The following TENT5A variants were observed in gnomAD, a reference collection of about 807,000 sequenced individuals.
TENT5A encodes the protein terminal nucleotidyltransferase 5A, also known as HBV X-transactivated gene 11 protein.
Under a neutral mutation model 30.2 loss-of-function variants are expected in TENT5A, and 9 were observed. The observed-to-expected ratio is 0.30, with a 90% CI of 0.18 to 0.52. TENT5A has a LOEUF of 0.52. Among genes scored for constraint, TENT5A ranks in the 20% least tolerant of loss-of-function variants. The probability of loss-of-function intolerance (pLI) is 0.97; values close to 1 mark genes in which losing one functional copy is unlikely to be tolerated. For synonymous variants in TENT5A, 264 were observed against 234.2 expected, an observed-to-expected ratio of 1.13 and a Z score of -1.16; for missense variants, 411 against 566.1, an observed-to-expected ratio of 0.73 and a Z score of 2.78.
Position 81,751,740 on chromosome 6 carries a change from G to C in TENT5A, c.402C>G (p.Gly134=). 1 of 1,613,792 alleles carries C rather than the reference G, an allele frequency of 6.2e-7. No homozygotes were observed. The highest frequency in any genetic ancestry group is 8.5e-7 in the Non-Finnish European group (1 of 1,180,040). The change falls in exon 2 of 3, where the codon GGC becomes GGG. Residue 134 remains glycine, a synonymous_variant. Transcript: ENST00000320172. ...AASHVLHQDS[G]LGYKDLDLIF... ...TGAGGTCCAGGTCCTTGTAGCCCAG[G>C]CCGCTGTCCTGGTGCAGGACATGGC...
chr6:81,747,504 A>G lies in TENT5A; in HGVS notation c.*2191T>C, dbSNP rs1283254567. ...CCATCAGGTTCCCATTAAGGCTTCA[A>G]AGAAAGATGCACAAAAGGTAGTCCA... On this transcript the variant is annotated 3_prime_UTR_variant, in exon 3 of 3. Transcript: ENST00000320172. The G allele has an allele frequency of 2.0e-6, 2 of 985,722 alleles. No homozygotes were observed. Among genetic ancestry groups the G allele is most frequent in the African/African-American group, 1.7e-5 (1 of 57,226 alleles). 61.1% of individuals were successfully genotyped at this position (985,722 alleles called of 1,614,324 possible). A position where few individuals can be genotyped will look rare whatever the true frequency, so the allele number is the denominator to read the frequency against.
Position 81,747,393 on chromosome 6 carries a change from T to G in TENT5A, c.*2302A>C. On this transcript the variant is annotated 3_prime_UTR_variant, in exon 3 of 3. Transcript: ENST00000320172. ...GAGGGAGACTGAGCCAAGATGGTAGTAGGAGGAGTTCCTTAGAAAACTGAG... is the reference window on the plus strand; with the variant it reads ...GAGGGAGACTGAGCCAAGATGGTAGGAGGAGGAGTTCCTTAGAAAACTGAG... The G allele has an allele frequency of 1.0e-6, 1 of 985,862 alleles. No homozygotes were observed. The highest frequency in any genetic ancestry group is 1.2e-6 in the Non-Finnish European group (1 of 829,940). 61.1% of individuals were successfully genotyped at this position (985,862 alleles called of 1,614,324 possible).
rs1187864075 is a variant in TENT5A, at chr6:81,747,919, AG to A, written c.*1775del. On this transcript the variant is annotated 3_prime_UTR_variant, in exon 3 of 3. Transcript: ENST00000320172. ...GGTATAACTGGTATTTTTGTAAGAA[AG>A]AAAATAAAGTTGGATTTGATTTAAT... 1 of 985,468 alleles carries A rather than the reference AG, an allele frequency of 1.0e-6. No individual in the cohort carries two copies. Among genetic ancestry groups the A allele is most frequent in the South Asian group, 4.7e-5 (1 of 21,274 alleles). 61.0% of individuals were successfully genotyped at this position (985,468 alleles called of 1,614,324 possible).
Position 81,748,386 on chromosome 6 carries a change from G to GAA in TENT5A, c.*1307_*1308dup, listed in dbSNP as rs1171685213. 158 of 701,240 alleles carry GAA rather than the reference G, an allele frequency of 2.3e-4. No individual in the cohort carries two copies. The highest frequency in any genetic ancestry group is 3.6e-4 in the East Asian group (2 of 5,584). The allele number at this position is 701,240 out of a possible 1,614,324, so 43.4% of individuals were successfully genotyped here. On this transcript the variant is annotated 3_prime_UTR_variant, in exon 3 of 3. Transcript: ENST00000320172. ...TTGTGGAATTTTATGGCTCACCAAA[G>GAA]AAAAAAAAAAAAAGAAAAAAAAATC...
Position 81,749,557 on chromosome 6 carries a change from T to G in TENT5A, c.*138A>C, listed in dbSNP as rs1040650566. On this transcript the variant is annotated 3_prime_UTR_variant, in exon 3 of 3. Coordinates refer to ENST00000320172, the MANE Select transcript of TENT5A (RefSeq NM_017633.3). ...AAAAGATACATAAGCTTTGCCAAAC[T>G]TAAAACCAGGAGCATATCATCATTG... The G allele has an allele frequency of 7.1e-7, 1 of 1,412,296 alleles. No homozygotes were observed. The highest frequency in any genetic ancestry group is 2.5e-5 in the East Asian group (1 of 39,520). The allele number at this position is 1,412,296 out of a possible 1,614,324, so 87.5% of individuals were successfully genotyped here. A position where few individuals can be genotyped will look rare whatever the true frequency, so the allele number is the denominator to read the frequency against.
rs972988760 is a variant in TENT5A at position 81,749,615 on chromosome 6, CTCTTTTTTTTT to C, written c.*69_*79del. Reference sequence around the variant, plus strand: ...CACATCCCTAATAAGGGCTGGATCACTCTTTTTTTTTTCTTTTTTTTTTTTTTCTCTCCTGT... The same window carrying C: ...CACATCCCTAATAAGGGCTGGATCACTCTTTTTTTTTTTTTTCTCTCCTGT... On this transcript the variant is annotated 3_prime_UTR_variant, in exon 3 of 3. Transcript: ENST00000320172. 5.2e-5 allele frequency: 79 copies of C among 1,510,978 alleles called. No individual in the cohort carries two copies. The highest frequency in any genetic ancestry group is 8.5e-5 in the African/African-American group (6 of 70,896). 93.6% of individuals were successfully genotyped at this position (1,510,978 alleles called of 1,614,324 possible). A position where few individuals can be genotyped will look rare whatever the true frequency, so the allele number is the denominator to read the frequency against.
Position 81,751,866 on chromosome 6 carries a change from C to A in TENT5A, c.276G>T (p.Thr92=). The A allele has an allele frequency of 1.2e-6, 2 of 1,613,120 alleles. No individual in the cohort carries two copies. The highest frequency in any genetic ancestry group is 1.1e-5 in the South Asian group (1 of 91,086). The change falls in exon 2 of 3, where the codon ACG becomes ACT. Residue 92 remains threonine, a synonymous_variant. Transcript: ENST00000320172. The part of the protein sequence containing the change: ...IPIHGRGNFP[T]LELQPSLIVK... Reference sequence around the variant, plus strand: ...CGATCAGGCTCGGCTGCAGCTCGAGCGTGGGGAAGTTGCCGCGCCCGTGAA... The same window carrying A: ...CGATCAGGCTCGGCTGCAGCTCGAGAGTGGGGAAGTTGCCGCGCCCGTGAA...
chr6:81,745,758 A>AC lies in TENT5A; in HGVS notation c.*3936dup, dbSNP rs1768870298. ...ATAGAAAAAAATAACTTTTTTATTT[A>AC]CAAAAAAATCCAAATATTGGATGCT... On this transcript the variant is annotated 3_prime_UTR_variant, in exon 3 of 3. Transcript: ENST00000320172. 19 of 985,250 alleles carry AC rather than the reference A, an allele frequency of 1.9e-5. No individual in the cohort carries two copies. Among genetic ancestry groups the AC allele is most frequent in the Non-Finnish European group, 2.3e-5 (19 of 829,310 alleles). The allele number at this position is 985,250 out of a possible 1,614,324, so 61.0% of individuals were successfully genotyped here. A position where few individuals can be genotyped will look rare whatever the true frequency, so the allele number is the denominator to read the frequency against.
intron 1 of TENT5A, 120 bp downstream of exon 1, chr6:81,752,311 A>G: frequency 6.5e-7 from 1 of 1,533,094 alleles, no homozygotes; most frequent in East Asian, 2.5e-5. Flanking sequence ...GCCTCCTCGG[A>G]GACTCCCTCC....
Position 81,747,988 on chromosome 6 carries a change from G to A in TENT5A, c.*1707C>T, listed in dbSNP as rs1768919691. The A allele has an allele frequency of 1.0e-6, 1 of 983,160 alleles. No homozygotes were observed. 60.9% of individuals were successfully genotyped at this position (983,160 alleles called of 1,614,324 possible). A position where few individuals can be genotyped will look rare whatever the true frequency, so the allele number is the denominator to read the frequency against. On this transcript the variant is annotated 3_prime_UTR_variant, in exon 3 of 3. Coordinates refer to ENST00000320172, the MANE Select transcript of TENT5A (RefSeq NM_017633.3). ...ACAGTACTAAATATTTAAATGCAGT[G>A]TGACAACCAGATCAAAGATGTTTCA...
In TENT5A at chr6:81,749,448, T is replaced by C; in HGVS notation, c.*247A>G. 8.1e-7 allele frequency: 1 copy of C among 1,232,972 alleles called. No individual in the cohort carries two copies. Among genetic ancestry groups the C allele is most frequent in the Non-Finnish European group, 1.0e-6 (1 of 986,884 alleles). 76.4% of individuals were successfully genotyped at this position (1,232,972 alleles called of 1,614,324 possible). ...GGTTGCTTCTAATGACAGGTCTCTCTTTTTTTGCAGGATAGAATCCAATTG... is the reference window on the plus strand; with the variant it reads ...GGTTGCTTCTAATGACAGGTCTCTCCTTTTTTGCAGGATAGAATCCAATTG... On this transcript the variant is annotated 3_prime_UTR_variant, in exon 3 of 3. Transcript: ENST00000320172.
At position 81,749,537 on chromosome 6, in the gene TENT5A, A is replaced by G. The variant is rs868292886; in HGVS notation, c.*158T>C. 1.4e-6 allele frequency: 2 copies of G among 1,397,552 alleles called. No homozygotes were observed. Among genetic ancestry groups the G allele is most frequent in the Middle Eastern group, 5.1e-4 (2 of 3,940 alleles). 86.6% of individuals were successfully genotyped at this position (1,397,552 alleles called of 1,614,324 possible). ...ATCATGCTCCCACATCTATTAAAAGATACATAAGCTTTGCCAAACTTAAAA... is the reference window on the plus strand; with the variant it reads ...ATCATGCTCCCACATCTATTAAAAGGTACATAAGCTTTGCCAAACTTAAAA... On this transcript the variant is annotated 3_prime_UTR_variant, in exon 3 of 3. Transcript: ENST00000320172.
chr6:81,752,006 C>A lies in TENT5A; in HGVS notation c.136G>T (p.Gly46Cys), dbSNP rs140052179. Residue 46 changes from glycine to cysteine, a missense_variant, in exon 2 of 3, where the codon GGC (glycine) becomes TGC (cysteine). Physicochemically the swap from Gly to Cys is radical, Grantham distance 159. Around this residue, in one of 5 missense-constraint regions of TENT5A, gnomAD observed 157 missense variants for 183.2 expected, o/e 0.86. Transcript: ENST00000320172. ...DFGGGDFGGG[G>C]SFGGHCLDYC... ...TCCAAGCAATGCCCACCGAAGCTGC[C>A]GCCACCGCCGAAGTCGCCGCCGCCG... 1.9e-6 allele frequency: 3 copies of A among 1,608,312 alleles called. No homozygotes were observed. The South Asian group carries it at 3.3e-5, about 18-fold the overall frequency.
chr6:81,752,118 G>A lies in TENT5A; in HGVS notation c.24C>T (p.Phe8=), dbSNP rs763017293. 1.3e-6 allele frequency: 2 copies of A among 1,560,306 alleles called. No individual in the cohort carries two copies. Among genetic ancestry groups the A allele is most frequent in the Middle Eastern group, 1.7e-4 (1 of 5,876 alleles). Residue 8 remains phenylalanine (F), a synonymous_variant, in exon 2 of 3, where the codon TTC becomes TTT. Transcript: ENST00000320172. MAEGEGY[F]AMSEDELACS... ...AGGCCAGCTCGTCCTCAGACATGGC[G>A]AAGTACCCTTCACCCTCCGCCATGT...
At position 81,750,595 on chromosome 6, in the gene TENT5A, C is replaced by T. The variant is rs1234382508; in HGVS notation, c.553-124G>A. On this transcript the variant is annotated intron_variant, in intron 2 of 2. Coordinates refer to ENST00000320172, the MANE Select transcript of TENT5A (RefSeq NM_017633.3). This position sits in a 1 kb window ranked among gnomAD's most constrained non-coding sequence, Gnocchi z 4.2. ...CCCTTTTGTTTTGTCAAGTTTCAGC[C>T]AAACACTACCTACAGGCTTAAACGG... 1.1e-5 allele frequency: 7 copies of T among 623,150 alleles called. No individual in the cohort carries two copies. Among genetic ancestry groups the T allele is most frequent in the Non-Finnish European group, 1.6e-5 (6 of 376,344 alleles). The allele number at this position is 623,150 out of a possible 1,614,324, so 38.6% of individuals were successfully genotyped here. A position where few individuals can be genotyped will look rare whatever the true frequency, so the allele number is the denominator to read the frequency against.
rs148056704 is a variant in TENT5A at position 81,746,975 on chromosome 6, G to C, written c.*2720C>G. On this transcript the variant is annotated 3_prime_UTR_variant, in exon 3 of 3. Coordinates refer to ENST00000320172, the MANE Select transcript of TENT5A (RefSeq NM_017633.3). ...CCTGTTCTATATGAATAGGTGCCAG[G>C]TGCTGGCACTTCCAACTAAGCTACC... The C allele has an allele frequency of 1.0e-6, 1 of 989,060 alleles. No homozygotes were observed. The allele number at this position is 989,060 out of a possible 1,614,324, so 61.3% of individuals were successfully genotyped here. A position where few individuals can be genotyped will look rare whatever the true frequency, so the allele number is the denominator to read the frequency against.
chr6:81,752,327 C>T, intron 1 of TENT5A, 104 bp downstream of exon 1: 1 of 1,544,960 alleles, frequency 6.5e-7, no homozygotes, highest in Non-Finnish European at 8.7e-7. Context: ...CCTCCCCCGG[C>T]CCTTACAGTC....
chr6:81,751,440 G>C, intron 2 of TENT5A, 150 bp downstream of exon 2: 1 of 717,986 alleles, frequency 1.4e-6, no homozygotes, highest in Non-Finnish European at 2.3e-6. Context: ...CAGTTTACTG[G>C]TTTAAAAAAT....
Position 81,748,172 on chromosome 6 carries a change from C to T in TENT5A, c.*1523G>A. 1.0e-6 allele frequency: 1 copy of T among 983,962 alleles called. No homozygotes were observed. 61.0% of individuals were successfully genotyped at this position (983,962 alleles called of 1,614,324 possible). A position where few individuals can be genotyped will look rare whatever the true frequency, so the allele number is the denominator to read the frequency against. On this transcript the variant is annotated 3_prime_UTR_variant, in exon 3 of 3. Transcript: ENST00000320172. ...TCATTAAAATTCATTTAAACATTAG[C>T]AAGTAGTGTTTAGATCACCGGAAAT...
Sources: gnomAD v4.1 joint callset for allele counts on GRCh38, gnomAD v4.1.1 for gene constraint, gnomAD v4.1.1 regional missense constraint, Gnocchi (gnomAD v3.1) non-coding constraint, MANE v1.5 for transcripts, NCBI Gene and HGNC (gene_info 2026-07-23, HGNC 2026-07-21) for gene names.